Variants in ANXA6 observed in about 807,000 individuals in gnomAD.
ANXA6 encodes the protein 67 kDa calelectrin.
ANXA6 carries 71 observed loss-of-function variants against 95.4 expected under a neutral mutation model. That is an observed-to-expected ratio of 0.74 (90% CI 0.61 to 0.91). The LOEUF is 0.91. Ranked by LOEUF, ANXA6 falls within the 40% of genes least tolerant of loss-of-function variation. ANXA6 has a pLI of 0.00. For missense variants in ANXA6, 830 were observed against 876.4 expected, an observed-to-expected ratio of 0.95 and a Z score of 0.67; for synonymous variants, 289 against 315.9, an observed-to-expected ratio of 0.91 and a Z score of 0.90.
At chr5:151,126,863 C>A (rs993279868) in intron 13 of ANXA6, among the ~76,000 whole-genome samples, 5 of 152,162 alleles carry the variant, frequency 3.3e-5, no homozygotes, top group South Asian at 2.1e-4. Context: ...ATTACAGGCA[C>A]CCGCCATCAC....
In ANXA6 at chr5:151,134,572, G is replaced by T. The variant is rs1765605610; in HGVS notation, c.490-89C>A. 19 of 1,374,530 alleles carry T rather than the reference G, an allele frequency of 1.4e-5. No individual in the cohort carries two copies. In the East Asian group the frequency reaches 3.9e-4, roughly 28 times the overall value. The allele number at this position is 1,374,530 out of a possible 1,614,324, so 85.1% of individuals were successfully genotyped here. A position where few individuals can be genotyped will look rare whatever the true frequency, so the allele number is the denominator to read the frequency against. On this transcript the variant is annotated intron_variant, in intron 7 of 25. Transcript: ENST00000354546. ...CCAGTGGTGGAGACAGGGAAAGCAGGAAAACCCTGGTGGCCCAGATGTGTC... is the reference window on the plus strand; with the variant it reads ...CCAGTGGTGGAGACAGGGAAAGCAGTAAAACCCTGGTGGCCCAGATGTGTC...
intron 15 of ANXA6, 78 bp downstream of exon 15, chr5:151,124,208 T>C (rs1581994397): frequency 8.0e-7 from 1 of 1,256,336 alleles, no homozygotes; most frequent in Non-Finnish European, 1.1e-6. Flanking sequence ...CCTCACTCCA[T>C]CCCCTGCCAG....
chr5:151,131,087 T>C, intron 11 of ANXA6, 144 bp downstream of exon 11: 1 of 770,776 alleles, frequency 1.3e-6, no homozygotes, highest in Non-Finnish European at 2.1e-6. Context: ...GCTCTACAGC[T>C]CACCTGCGAC....
In ANXA6 at chr5:151,120,333, C is replaced by T. The variant is rs767013650; in HGVS notation, c.1348-943G>A. On this transcript the variant is annotated intron_variant, in intron 17 of 25. Coordinates refer to ENST00000354546, the MANE Select transcript of ANXA6 (RefSeq NM_001155.5). ...TGACTGATTGATTGACTGAATGAGT[C>T]AATGACTAATTCACTCATTCAGGTA... 7.4e-5 allele frequency among the ~76,000 whole-genome samples: 11 copies of T among 149,196 alleles called. No individual in the cohort carries two copies. In the South Asian group the frequency reaches 8.6e-4, roughly 12 times the overall value.
At chr5:151,147,971 C>T (rs41290573) in intron 1 of ANXA6, 45 bp from the exon 2 acceptor site, 1 of 1,533,982 alleles carries the variant, frequency 6.5e-7, no homozygotes, top group Non-Finnish European at 8.9e-7. Flanking sequence ...CCAACTCTAA[C>T]CATCCCCTTT....
chr5:151,109,692 G>A (rs1160469197), intron 22 of ANXA6, 61 bp downstream of exon 22: 3 of 1,329,254 alleles, frequency 2.3e-6, no homozygotes, highest in Admixed American at 1.9e-5. Context: ...AGAGCTGAGA[G>A]GCTCTCATCA....
At chr5:151,111,671 C>T (rs1294152891) in intron 20 of ANXA6, among the ~76,000 whole-genome samples, 1 of 152,220 alleles carries the variant, frequency 6.6e-6, no homozygotes, top group Non-Finnish European at 1.5e-5. Context: ...TCACTGCAAC[C>T]TTGACCTCCT....
chr5:151,116,051 G>T (rs994410496), intron 20 of ANXA6, among the ~76,000 whole-genome samples: 8 of 152,152 alleles, frequency 5.3e-5, no homozygotes, highest in Non-Finnish European at 2.9e-5. Flanking sequence ...AATAATCTTG[G>T]CATCGTTCTC....
chr5:151,133,468 C>T (rs191657918), intron 8 of ANXA6: 2 of 346,300 alleles, frequency 5.8e-6, no homozygotes, highest in East Asian at 5.1e-5. Context: ...TAGCCTATTG[C>T]TCCTAGGCGG....
chr5:151,116,830 A>G (rs1173646051), intron 20 of ANXA6, among the ~76,000 whole-genome samples: 2 of 152,184 alleles, frequency 1.3e-5, no homozygotes, highest in Non-Finnish European at 2.9e-5. Flanking sequence ...GACTTTCAGA[A>G]GTCATTTGCC....
intron 13 of ANXA6, among the ~76,000 whole-genome samples, chr5:151,126,754 T>C (rs1032644557): frequency 1.3e-5 from 2 of 152,174 alleles, no homozygotes; most frequent in Admixed American, 6.5e-5. Flanking sequence ...TTTGCTCTTG[T>C]CACCCAGGCT....
intron 10 of ANXA6, among the ~76,000 whole-genome samples, chr5:151,131,917 C>T (rs1188009178): frequency 6.6e-6 from 1 of 152,188 alleles, no homozygotes; most frequent in Non-Finnish European, 1.5e-5. Context: ...AAACTGAGGT[C>T]CAGCAAGCAG....
rs1261673322 is a variant in ANXA6, at chr5:151,137,214, C to T, written c.409+17G>A. 2 of 1,610,766 alleles carry T rather than the reference C, an allele frequency of 1.2e-6. No homozygotes were observed. The highest frequency in any genetic ancestry group is 1.7e-5 in the Admixed American group (1 of 59,876). The stretch of plus-strand genomic sequence containing the variant: ...TTGTATCTGAAGATCCTAAGCGGCC[C>T]CTCCTGCCCATCTCACCATCTTTGT... On this transcript the variant is annotated intron_variant, in intron 6 of 25. Coordinates refer to ENST00000354546, the MANE Select transcript of ANXA6 (RefSeq NM_001155.5).
At chr5:151,142,456 C>T (rs184665035) in intron 2 of ANXA6, among the ~76,000 whole-genome samples, 76 of 148,996 alleles carry the variant, frequency 5.1e-4, no homozygotes, top group African/African-American at 1.3e-3. Context: ...CCAGCCTGGG[C>T]GACAGAATGA....
intron 8 of ANXA6, 35 bp from the exon 9 acceptor site, chr5:151,133,222 G>A (rs886483995): frequency 2.0e-6 from 3 of 1,484,852 alleles, no homozygotes; most frequent in Non-Finnish European, 1.8e-6. Flanking sequence ...ACTGAAAGAG[G>A]AAACCTCAGG....
chr5:151,126,561 C>T, intron 13 of ANXA6, 81 bp from the exon 14 acceptor site: 1 of 1,000,954 alleles, frequency 1.0e-6, no homozygotes, highest in Non-Finnish European at 1.5e-6. Flanking sequence ...CACACACACA[C>T]ACACACACAC....
At chr5:151,132,756 T>C (rs112279338) in intron 9 of ANXA6, among the ~76,000 whole-genome samples, 185 bp from the exon 10 acceptor site, 13 of 152,102 alleles carry the variant, frequency 8.5e-5, no homozygotes, top group African/African-American at 3.1e-4. Context: ...ATGAGCTTCA[T>C]AGCTGGTGAG....
chr5:151,139,836 T>C (rs1477790104), intron 3 of ANXA6, among the ~76,000 whole-genome samples: 2 of 152,082 alleles, frequency 1.3e-5, no homozygotes, highest in East Asian at 3.9e-4. Flanking sequence ...CACCTTCGGA[T>C]TGTGGCTGCC....
intron 20 of ANXA6, among the ~76,000 whole-genome samples, chr5:151,114,613 TAAAAAAAAAAAAAAAA>T (rs61407672): frequency 1.7e-4 from 12 of 70,318 alleles, no homozygotes; most frequent in Admixed American, 4.0e-4. Flanking sequence ...GACTCCGTCT[TAAAAAAAAAAAAAAAA>T]AAAAAAAAAA....
Sources: gnomAD v4.1 joint callset for allele counts (sites outside exome capture counted in the v4.1 genomes callset) on GRCh38, gnomAD v4.1.1 for gene constraint, MANE v1.5 for transcripts, NCBI Gene and HGNC (gene_info 2026-07-23, HGNC 2026-07-21) for gene names.